ADAM20: variants seen among roughly 807,000 people sequenced by gnomAD.
The protein encoded by ADAM20 is ADAM metallopeptidase domain 20.
For synonymous variants in ADAM20, 305 were observed against 310.2 expected (o/e 0.98, Z 0.18); for missense variants, 871 against 883.2 (o/e 0.99, Z 0.18).
the ADAM20 span, among the ~76,000 whole-genome samples, chr14:70,567,187 C>T: frequency 1.3e-5 from 2 of 152,156 alleles, no homozygotes; most frequent in Non-Finnish European, 2.9e-5. Context: ...ATGACAGGTG[C>T]AATACTGGTG....
chr14:70,528,214 G>A (rs1595019176), intron 1 of ADAM20, among the ~76,000 whole-genome samples: 2 of 152,264 alleles, frequency 1.3e-5, no homozygotes, highest in South Asian at 2.1e-4. Context: ...ATAAAACAAA[G>A]GTGAATGTGA....
At position 70,523,946 on chromosome 14, in the gene ADAM20, T is replaced by C; in HGVS notation, c.812A>G (p.Asp271Gly). Residue 271 changes from aspartate to glycine, a missense_variant, in exon 2 of 2, where the codon GAC (aspartate) becomes GGC (glycine). Transcript: ENST00000256389. ...AAAGTCCTCTAAAACATTATCTAGG[T>C]CTCCACTGGTAGGAAGTGGATTTGA... ...TASNPLPTSG[D>G]LDNVLEDFSI... 1 of 1,613,988 alleles carries C rather than the reference T, an allele frequency of 6.2e-7. No individual in the cohort carries two copies. Among genetic ancestry groups the C allele is most frequent in the South Asian group, 1.1e-5 (1 of 91,080 alleles).
At chr14:70,565,302 T>C in the ADAM20 span, among the ~76,000 whole-genome samples, 2 of 151,498 alleles carry the variant, frequency 1.3e-5, no homozygotes, top group Non-Finnish European at 2.9e-5. Flanking sequence ...CAAACCAATA[T>C]ATACATTATG....
chr14:70,522,559 T>A lies in ADAM20; in HGVS notation c.*18A>T. The A allele has an allele frequency of 6.5e-7, 1 of 1,540,482 alleles. No individual in the cohort carries two copies. The highest frequency in any genetic ancestry group is 1.2e-5 in the South Asian group (1 of 80,186). ...AAATGAAGTATAAAGTTTAGTCTCCTTCTTTTTCCCATTTCTCTTATCCTT... is the reference window on the plus strand; with the variant it reads ...AAATGAAGTATAAAGTTTAGTCTCCATCTTTTTCCCATTTCTCTTATCCTT... On this transcript the variant is annotated 3_prime_UTR_variant, in exon 2 of 2. Transcript: ENST00000256389.
At chr14:70,533,080 T>G (rs1392959547) in intron 1 of ADAM20, among the ~76,000 whole-genome samples, 2 of 152,134 alleles carry the variant, frequency 1.3e-5, no homozygotes, top group Non-Finnish European at 2.9e-5. Flanking sequence ...GAATGGCAAT[T>G]ATTAAAAAGT....
At chr14:70,541,555 C>T in the ADAM20 span, among the ~76,000 whole-genome samples, 1 of 152,060 alleles carries the variant, frequency 6.6e-6, no homozygotes, top group African/African-American at 2.4e-5. Context: ...ACCTTACGGT[C>T]AAACATTAAA....
rs779780778 is a variant in ADAM20, at chr14:70,524,044, GACA to G, written c.711_713del (p.Val238del). ...GATGATAGAAGGAATCCACTATATTGACAACGTTAAATACTTCATGCTGCACTG... is the reference window on the plus strand; with the variant it reads ...GATGATAGAAGGAATCCACTATATTGACGTTAAATACTTCATGCTGCACTG... On this transcript the variant is annotated inframe_deletion, in exon 2 of 2. Transcript: ENST00000256389. 2 of 1,613,838 alleles carry G rather than the reference GACA, an allele frequency of 1.2e-6. No homozygotes were observed. Among genetic ancestry groups the G allele is most frequent in the East Asian group, 2.2e-5 (1 of 44,862 alleles).
chr14:70,525,154 T>G (rs1286520959), intron 1 of ADAM20, among the ~76,000 whole-genome samples: 1 of 152,214 alleles, frequency 6.6e-6, no homozygotes, highest in Non-Finnish European at 1.5e-5. Context: ...TATATACTGT[T>G]CTTAAAATAT....
upstream of ADAM20, among the ~76,000 whole-genome samples, chr14:70,539,814 C>T (rs1164591928): frequency 6.6e-6 from 1 of 152,092 alleles, no homozygotes; most frequent in African/African-American, 2.4e-5. Flanking sequence ...AATCAAATGA[C>T]CCTAAATCCT....
Position 70,523,931 on chromosome 14 carries a change from A to T in ADAM20, c.827T>A (p.Leu276Ter). 6.2e-7 allele frequency: 1 copy of T among 1,614,036 alleles called. No individual in the cohort carries two copies. Among genetic ancestry groups the T allele is most frequent in the South Asian group, 1.1e-5 (1 of 91,080 alleles). Residue 276 changes from leucine (L) to a stop codon, truncating the protein, a stop_gained, in exon 2 of 2, where the codon TTA (leucine) becomes TAA (stop). Transcript: ENST00000256389. LOFTEE classifies it low-confidence loss of function (END_TRUNC). ...ATTCTTCCAAATAGAAAAGTCCTCT[A>T]AAACATTATCTAGGTCTCCACTGGT... is the stretch of plus-strand genomic sequence containing the variant. ...LPTSGDLDNV[L>*]EDFSIWKNYN...
At chr14:70,550,710 C>G in the ADAM20 span, among the ~76,000 whole-genome samples, 1 of 39,506 alleles carries the variant, frequency 2.5e-5, no homozygotes, top group African/African-American at 1.5e-4. Context: ...GATTCACAGC[C>G]GAATTCTACC....
the ADAM20 span, among the ~76,000 whole-genome samples, chr14:70,559,427 ATT>A: frequency 2.0e-5 from 3 of 152,188 alleles, no homozygotes; most frequent in Admixed American, 1.3e-4. Context: ...CAAATTCACC[ATT>A]GTTTCCCACC....
the ADAM20 span, among the ~76,000 whole-genome samples, chr14:70,574,405 CCG>C: frequency 6.6e-6 from 1 of 151,598 alleles, no homozygotes; most frequent in Non-Finnish European, 1.5e-5. Flanking sequence ...CTTTGGGAGG[CCG>C]AGGTGGGCAG....
chr14:70,565,281 T>C, the ADAM20 span, among the ~76,000 whole-genome samples: 2 of 151,502 alleles, frequency 1.3e-5, no homozygotes, highest in Admixed American at 1.3e-4. Flanking sequence ...AAGGAAATCA[T>C]GGTACTCCAT....
chr14:70,526,476 A>G (rs1883593557), intron 1 of ADAM20, among the ~76,000 whole-genome samples: 2 of 152,188 alleles, frequency 1.3e-5, no homozygotes, highest in Non-Finnish European at 2.9e-5. Context: ...CTCTCCTCAT[A>G]ATATCCTTGG....
rs771166581 is a variant in ADAM20, at chr14:70,524,891, T to C, written c.-134A>G. ...TTTAGGGATCTGGGGATCTGTGTCCTGGTGGAGCTGGACCATCAGAGCTGC... is the reference window on the plus strand; with the variant it reads ...TTTAGGGATCTGGGGATCTGTGTCCCGGTGGAGCTGGACCATCAGAGCTGC... On this transcript the variant is annotated 5_prime_UTR_variant, in exon 2 of 2. Transcript: ENST00000256389. 1.9e-6 allele frequency: 3 copies of C among 1,610,060 alleles called. No individual in the cohort carries two copies. Among genetic ancestry groups the C allele is most frequent in the Non-Finnish European group, 2.5e-6 (3 of 1,178,504 alleles).
the ADAM20 span, among the ~76,000 whole-genome samples, chr14:70,560,875 C>A: frequency 6.6e-6 from 1 of 152,102 alleles, no homozygotes; most frequent in Non-Finnish European, 1.5e-5. Context: ...AATTACCCAG[C>A]CTCAGGAAGT....
At chr14:70,554,146 A>T in the ADAM20 span, among the ~76,000 whole-genome samples, 1 of 152,214 alleles carries the variant, frequency 6.6e-6, no homozygotes, top group South Asian at 2.1e-4. Context: ...AAAATGAAAT[A>T]AAAAAGTAAT....
At chr14:70,547,411 G>C in the ADAM20 span, 2 of 147,540 alleles carry the variant, frequency 1.4e-5, no homozygotes, top group Non-Finnish European at 3.0e-5. Context: ...TCTCACTAGG[G>C]AGTGCCAGAC....
Sources: allele counts gnomAD v4.1 joint callset (sites outside exome capture counted in the v4.1 genomes callset), GRCh38; gene constraint gnomAD v4.1.1; transcripts MANE v1.5; gene names NCBI Gene and HGNC (gene_info 2026-07-23, HGNC 2026-07-21).